SORCS3: variants seen among roughly 807,000 people sequenced by gnomAD.
The protein encoded by SORCS3 is sortilin related VPS10 domain containing receptor 3, also known as VPS10 domain-containing receptor SorCS3.
In SORCS3, 57 loss-of-function variants were observed where a neutral mutation model predicts 146.3. The observed-to-expected ratio is 0.39, with a 90% CI of 0.31 to 0.49. SORCS3 has a LOEUF of 0.49. Ranked by LOEUF, SORCS3 falls within the 20% of genes least tolerant of loss-of-function variation. The pLI, the probability that SORCS3 is intolerant of heterozygous loss-of-function variation, is 0.92. For missense variants in SORCS3, 1,341 were observed against 1,575.5 expected (o/e 0.85, Z 2.52); for synonymous variants, 653 against 618.5 (o/e 1.06, Z -0.83).
intron 1 of SORCS3, among the ~76,000 whole-genome samples, chr10:104,758,243 G>T (rs546643416): frequency 1.3e-5 from 2 of 152,170 alleles, no homozygotes; most frequent in African/African-American, 4.8e-5. Context: ...GCTTTGTTGC[G>T]GTGGGTATGA....
At chr10:104,724,400 C>T (rs1160581328) in intron 1 of SORCS3, among the ~76,000 whole-genome samples, 5 of 152,150 alleles carry the variant, frequency 3.3e-5, no homozygotes, top group Non-Finnish European at 7.3e-5. Context: ...TCTCTGGCTG[C>T]CCTTAACACT....
Position 105,090,168 on chromosome 10 carries a change from T to C in SORCS3, c.1093+329T>C, listed in dbSNP as rs561024671. ...TGGTATTTTACATTCACATGGCGAA[T>C]TGCAAGGGCTGCCTGCTTCAAAGTA... On this transcript the variant is annotated intron_variant, in intron 6 of 26. Transcript: ENST00000369701. Among the ~76,000 whole-genome samples, 6 of 152,300 alleles carry C rather than the reference T, an allele frequency of 3.9e-5. No homozygotes were observed. The East Asian group carries it at 9.6e-4, about 24-fold the overall frequency.
chr10:104,727,111 T>C (rs60256942), intron 1 of SORCS3, among the ~76,000 whole-genome samples: 2,043 of 152,322 alleles, frequency 0.013, 45 homozygotes, highest in African/African-American at 0.046. Context: ...GAGGATCATG[T>C]CATATTCTGT....
intron 4 of SORCS3, among the ~76,000 whole-genome samples, chr10:105,023,712 A>G (rs1455136251): frequency 6.6e-6 from 1 of 152,086 alleles, no homozygotes; most frequent in African/African-American, 2.4e-5. Flanking sequence ...GAGTGAGCAC[A>G]TCCAAATGAT....
intron 2 of SORCS3, among the ~76,000 whole-genome samples, chr10:104,870,794 A>T (rs1175756041): frequency 1.3e-5 from 2 of 152,116 alleles, no homozygotes; most frequent in Admixed American, 1.3e-4. Flanking sequence ...ACACTCTCTT[A>T]TTCTCTTATC....
intron 3 of SORCS3, among the ~76,000 whole-genome samples, chr10:104,925,853 A>C (rs917638065): frequency 6.6e-6 from 1 of 152,226 alleles, no homozygotes; most frequent in African/African-American, 2.4e-5. Flanking sequence ...TGGACTTTCA[A>C]ATTGCTCCTA....
chr10:105,143,401 T>C (rs1371927398), intron 8 of SORCS3, among the ~76,000 whole-genome samples: 2 of 152,164 alleles, frequency 1.3e-5, no homozygotes, highest in Admixed American at 6.6e-5. Flanking sequence ...CCCCAGCCCA[T>C]ATCTCTCCAT....
At chr10:104,951,836 A>C (rs1589563486) in intron 3 of SORCS3, among the ~76,000 whole-genome samples, 1 of 152,290 alleles carries the variant, frequency 6.6e-6, no homozygotes, top group Non-Finnish European at 1.5e-5. Flanking sequence ...CCATCTGGCT[A>C]ATCTTAACCA....
chr10:105,170,845 T>G (rs947315141), intron 13 of SORCS3, among the ~76,000 whole-genome samples: 9 of 152,174 alleles, frequency 5.9e-5, no homozygotes. Flanking sequence ...ATGAAATTGT[T>G]GACTGATCTT....
rs1168335297 is a variant in SORCS3 at position 105,217,860 on chromosome 10, A to G, written c.2734+738A>G. On this transcript the variant is annotated intron_variant, in intron 19 of 26. Transcript: ENST00000369701. Reference sequence around the variant, plus strand: ...TGATTTTAGGATGTCGGGTCGAGGAAATGTTGTCTTGGGGCTGGGATTGGT... The same window carrying G: ...TGATTTTAGGATGTCGGGTCGAGGAGATGTTGTCTTGGGGCTGGGATTGGT... 6.6e-6 allele frequency: 3 copies of G among 453,976 alleles called. No homozygotes were observed. The Admixed American group carries it at 7.0e-5, about 11-fold the overall frequency. The allele number at this position is 453,976 out of a possible 1,614,324, so 28.1% of individuals were successfully genotyped here. A position where few individuals can be genotyped will look rare whatever the true frequency, so the allele number is the denominator to read the frequency against.
intron 3 of SORCS3, among the ~76,000 whole-genome samples, chr10:104,956,178 G>C (rs1288359637): frequency 6.6e-6 from 1 of 152,214 alleles, no homozygotes. Flanking sequence ...CATGGGGCTG[G>C]AACATTCTAT....
chr10:104,696,703 ACG>A lies in SORCS3; in HGVS notation c.627+54750_627+54751del, dbSNP rs1354175239. On this transcript the variant is annotated intron_variant, in intron 1 of 26. Transcript: ENST00000369701. ...ATATAATATATAATATATATTATAT[ACG>A]TATATATAATATATAACATATATAA... Among the ~76,000 whole-genome samples the A allele has an allele frequency of 7.4e-3, 612 of 83,112 alleles. 50 individuals are homozygous for A. Among genetic ancestry groups the A allele is most frequent in the African/African-American group, 0.027 (516 of 19,286 alleles). The allele number at this position is 83,112 out of a possible 152,430, so 54.5% of individuals were successfully genotyped here.
chr10:104,736,533 A>G (rs2016774987), intron 1 of SORCS3, among the ~76,000 whole-genome samples: 1 of 152,174 alleles, frequency 6.6e-6, no homozygotes, highest in Non-Finnish European at 1.5e-5. Flanking sequence ...ATTGACATCA[A>G]TGAATTTAAC....
At chr10:104,709,312 A>G (rs994000272) in intron 1 of SORCS3, among the ~76,000 whole-genome samples, 1 of 152,152 alleles carries the variant, frequency 6.6e-6, no homozygotes, top group Non-Finnish European at 1.5e-5. Flanking sequence ...GTCCCTGCAT[A>G]GCAGGAATGT....
At chr10:104,926,776 A>G (rs1200811402) in intron 3 of SORCS3, among the ~76,000 whole-genome samples, 2 of 152,260 alleles carry the variant, frequency 1.3e-5, no homozygotes, top group East Asian at 1.9e-4. Context: ...AAATATAGGT[A>G]TATGGTTCTT....
intron 9 of SORCS3, among the ~76,000 whole-genome samples, chr10:105,150,711 T>C (rs2119476344): frequency 6.6e-6 from 1 of 152,302 alleles, no homozygotes; most frequent in East Asian, 1.9e-4. Flanking sequence ...GTGAATAAAT[T>C]GGAACCTGAT....
chr10:105,041,416 T>A (rs947358186), intron 4 of SORCS3, among the ~76,000 whole-genome samples: 1 of 144,322 alleles, frequency 6.9e-6, no homozygotes, highest in Non-Finnish European at 1.5e-5. Context: ...AAAAAATATA[T>A]ATATATATAT....
At chr10:104,951,311 A>G (rs7907507) in intron 3 of SORCS3, among the ~76,000 whole-genome samples, 75,041 of 151,438 alleles carry the variant, frequency 0.5, 22,477 homozygotes, top group African/African-American at 0.86. Context: ...TGCTTGGTAT[A>G]AGACTTGATT....
intron 5 of SORCS3, among the ~76,000 whole-genome samples, chr10:105,080,513 T>G (rs566589107): frequency 8.5e-5 from 13 of 152,318 alleles, no homozygotes; most frequent in Non-Finnish European, 1.8e-4. Context: ...TATTGATAGA[T>G]TTTTTGCTGT....
Sources: gnomAD v4.1 joint callset for allele counts (sites outside exome capture counted in the v4.1 genomes callset) on GRCh38, gnomAD v4.1.1 for gene constraint, MANE v1.5 for transcripts, NCBI Gene and HGNC (gene_info 2026-07-23, HGNC 2026-07-21) for gene names.